Variants in PCNX2 observed in about 807,000 individuals in gnomAD.
PCNX2 encodes pecanex 2, also known as pecanex-like protein 2.
Under a neutral mutation model 223.8 loss-of-function variants are expected in PCNX2, and 168 were observed. That is an observed-to-expected ratio of 0.75 (90% CI 0.66 to 0.85). The LOEUF is 0.85. Ranked by LOEUF, PCNX2 falls within the 40% of genes least tolerant of loss-of-function variation. The probability of loss-of-function intolerance (pLI) is 0.00; values close to 1 mark genes in which losing one functional copy is unlikely to be tolerated. For missense variants in PCNX2, 2,507 were observed against 2,675.5 expected (o/e 0.94, Z 1.39); for synonymous variants, 1,006 against 1,052.6 (o/e 0.96, Z 0.86).
chr1:233,136,936 TTCCATGAACTGCA>T (rs939496954), intron 20 of PCNX2, among the ~76,000 whole-genome samples: 2 of 152,156 alleles, frequency 1.3e-5, no homozygotes, highest in African/African-American at 4.8e-5. Flanking sequence ...GTGACCAAGG[TTCCATGAACTGCA>T]TCCATTTTAT....
At chr1:233,113,647 G>A (rs974502348) in intron 21 of PCNX2, among the ~76,000 whole-genome samples, 14 of 152,208 alleles carry the variant, frequency 9.2e-5, no homozygotes, top group South Asian at 2.1e-4. Context: ...AGGCATTTCC[G>A]GTCTTCCTGG....
chr1:233,044,020 A>C (rs1275533291), intron 25 of PCNX2, among the ~76,000 whole-genome samples: 1 of 151,534 alleles, frequency 6.6e-6, no homozygotes. Flanking sequence ...TTACAGTCCC[A>C]CCAACAGTGT....
At position 233,295,573 on chromosome 1, in the gene PCNX2, G is replaced by A. The variant is rs1440123410; in HGVS notation, c.-95C>T. 1.6e-6 allele frequency: 2 copies of A among 1,247,146 alleles called. No homozygotes were observed. Among genetic ancestry groups the A allele is most frequent in the Non-Finnish European group, 1.0e-6 (1 of 986,060 alleles). 77.3% of individuals were successfully genotyped at this position (1,247,146 alleles called of 1,614,324 possible). ...CCTCAGGTCTAACACCCGGGCCCGC[G>A]GGCCGCGCCCCCGCCGTCGCCGCCG... On this transcript the variant is annotated 5_prime_UTR_variant, in exon 1 of 34. Transcript: ENST00000258229. This position sits in a 1 kb window ranked among gnomAD's most constrained non-coding sequence, Gnocchi z 4.1.
rs573892841 is a variant in PCNX2, at chr1:233,100,486, C to T, written c.3838-4623G>A. Among the ~76,000 whole-genome samples, 4 of 151,232 alleles carry T rather than the reference C, an allele frequency of 2.6e-5. No individual in the cohort carries two copies. The East Asian group carries it at 7.7e-4, about 29-fold the overall frequency. On this transcript the variant is annotated intron_variant, in intron 21 of 33. Coordinates refer to ENST00000258229, the MANE Select transcript of PCNX2 (RefSeq NM_014801.4). Reference sequence around the variant, plus strand: ...ATGGCTGTTTCCCAAGGAAAGTCACCATAAATACTCTCATTTCAAATGACC... The same window carrying T: ...ATGGCTGTTTCCCAAGGAAAGTCACTATAAATACTCTCATTTCAAATGACC...
chr1:233,248,596 T>C (rs991546339), intron 8 of PCNX2, among the ~76,000 whole-genome samples: 1 of 151,962 alleles, frequency 6.6e-6, no homozygotes, highest in Non-Finnish European at 1.5e-5. Context: ...CTGAACCTCT[T>C]TATCTAGACA....
At chr1:233,022,255 C>T (rs1455614068) in intron 26 of PCNX2, among the ~76,000 whole-genome samples, 1 of 152,156 alleles carries the variant, frequency 6.6e-6, no homozygotes, top group Non-Finnish European at 1.5e-5. Flanking sequence ...ATCCATGTTC[C>T]CCAGAACCTT....
intron 26 of PCNX2, among the ~76,000 whole-genome samples, chr1:233,020,451 T>C (rs1299306799): frequency 6.6e-6 from 1 of 152,236 alleles, no homozygotes; most frequent in Admixed American, 6.5e-5. Flanking sequence ...GGGGTAAACC[T>C]AGACTGTGCT....
At chr1:233,217,800 G>T (rs1657068634) in intron 12 of PCNX2, 99 bp downstream of exon 12, 1 of 1,255,896 alleles carries the variant, frequency 8.0e-7, no homozygotes, top group Non-Finnish European at 1.1e-6. Context: ...AGTATAGAGA[G>T]CTAGGTACAG....
intron 15 of PCNX2, among the ~76,000 whole-genome samples, chr1:233,187,293 G>GAA (rs762525964): frequency 2.0e-4 from 30 of 152,110 alleles, no homozygotes; most frequent in Non-Finnish European, 2.1e-4. Flanking sequence ...ATTACATACA[G>GAA]AAAAAAACAA....
chr1:233,142,888 T>C (rs959010384), intron 19 of PCNX2, among the ~76,000 whole-genome samples: 5 of 152,176 alleles, frequency 3.3e-5, no homozygotes, highest in Non-Finnish European at 2.9e-5. Flanking sequence ...AACCTTTTGC[T>C]CTACTCTTCT....
At chr1:233,307,927 T>A in the PCNX2 span, among the ~76,000 whole-genome samples, 1 of 152,172 alleles carries the variant, frequency 6.6e-6, no homozygotes, top group African/African-American at 2.4e-5. Flanking sequence ...CCACATAACA[T>A]GTGAGAACTC....
chr1:233,108,332 A>G (rs1674920661), intron 21 of PCNX2, among the ~76,000 whole-genome samples: 1 of 152,190 alleles, frequency 6.6e-6, no homozygotes, highest in African/African-American at 2.4e-5. Context: ...AGAGAAAGAT[A>G]CCTTCAGGGA....
chr1:233,232,941 C>A (rs2102955196), intron 9 of PCNX2: 1 of 985,006 alleles, frequency 1.0e-6, no homozygotes, highest in South Asian at 4.7e-5. Context: ...CTTTCACATA[C>A]AATACTATCT....
At chr1:233,189,547 C>T (rs934480753) in intron 15 of PCNX2, among the ~76,000 whole-genome samples, 1 of 152,104 alleles carries the variant, frequency 6.6e-6, no homozygotes, top group Non-Finnish European at 1.5e-5. Context: ...GGAGGCATCT[C>T]AGGTCCACTT....
chr1:233,005,527 T>C (rs544124320), intron 28 of PCNX2, among the ~76,000 whole-genome samples: 12 of 152,328 alleles, frequency 7.9e-5, no homozygotes, highest in Admixed American at 3.3e-4. Context: ...TGGTGCTTCA[T>C]GCTATTCCAT....
At chr1:233,054,043 G>A (rs544431440) in intron 25 of PCNX2, among the ~76,000 whole-genome samples, 4 of 152,214 alleles carry the variant, frequency 2.6e-5, no homozygotes, top group African/African-American at 9.6e-5. Flanking sequence ...TAAAACCAAT[G>A]TCCTGGTTTG....
At chr1:233,269,613 C>T (rs1349906351) in intron 1 of PCNX2, among the ~76,000 whole-genome samples, 4 of 152,130 alleles carry the variant, frequency 2.6e-5, no homozygotes, top group African/African-American at 4.8e-5. Flanking sequence ...AAAACTATCC[C>T]ATCAATGTGG....
chr1:233,277,381 T>C (rs541038956), intron 1 of PCNX2, among the ~76,000 whole-genome samples: 1 of 152,336 alleles, frequency 6.6e-6, no homozygotes, highest in South Asian at 2.1e-4. Context: ...TCTCCAGCAC[T>C]TCTTATGCTA....
At chr1:233,158,130 ATGGGGC>A (rs1286387374) in intron 19 of PCNX2, among the ~76,000 whole-genome samples, 1 of 152,184 alleles carries the variant, frequency 6.6e-6, no homozygotes, top group African/African-American at 2.4e-5. Flanking sequence ...TTTAATTTAA[ATGGGGC>A]TGTCTTAGAT....
Sources: allele counts gnomAD v4.1 joint callset (sites outside exome capture counted in the v4.1 genomes callset), GRCh38; gene constraint gnomAD v4.1.1; non-coding constraint Gnocchi (gnomAD v3.1); transcripts MANE v1.5; gene names NCBI Gene and HGNC (gene_info 2026-07-23, HGNC 2026-07-21).